Variants in DGKB observed in about 807,000 individuals in gnomAD.
DGKB encodes the protein 90 kDa diacylglycerol kinase.
Under a neutral mutation model 114.3 loss-of-function variants are expected in DGKB, and 67 were observed. The observed-to-expected ratio is 0.59, with a 90% CI of 0.48 to 0.72. The LOEUF is 0.72. Among genes scored for constraint, DGKB ranks in the 30% least tolerant of loss-of-function variants. The probability of loss-of-function intolerance (pLI) is 0.00; values close to 1 mark genes in which losing one functional copy is unlikely to be tolerated. For missense variants in DGKB, 907 were observed against 975.2 expected (o/e 0.93, Z 0.93); for synonymous variants, 398 against 323.1 (o/e 1.23, Z -2.49).
At chr7:14,951,048 G>A (rs951200074) in intron 1 of DGKB, among the ~76,000 whole-genome samples, 2 of 151,844 alleles carry the variant, frequency 1.3e-5, no homozygotes, top group Admixed American at 1.3e-4. Flanking sequence ...TACTAATCAT[G>A]CTTTCATGAT....
intron 21 of DGKB, among the ~76,000 whole-genome samples, chr7:14,447,069 G>A (rs76212541): frequency 0.019 from 2,927 of 152,152 alleles, 124 homozygotes; most frequent in Admixed American, 0.091. Flanking sequence ...TGTAGTTTTG[G>A]CAAACCCTGT....
intron 17 of DGKB, among the ~76,000 whole-genome samples, chr7:14,585,070 TATA>T: frequency 1.3e-5 from 2 of 152,258 alleles, no homozygotes; most frequent in East Asian, 1.9e-4. Context: ...ACTGCATAAA[TATA>T]ATAAAATATG....
At chr7:14,467,974 C>T (rs1015173507) in intron 21 of DGKB, among the ~76,000 whole-genome samples, 1 of 152,082 alleles carries the variant, frequency 6.6e-6, no homozygotes, top group African/African-American at 2.4e-5. Context: ...AGGGTCCTCA[C>T]AATTGTTCCC....
chr7:14,340,106 C>G (rs1284644548), intron 22 of DGKB, among the ~76,000 whole-genome samples: 1 of 148,810 alleles, frequency 6.7e-6, no homozygotes, highest in African/African-American at 2.5e-5. Flanking sequence ...GAGAAAGTGC[C>G]AAGTTTTCAT....
chr7:14,210,994 C>T (rs1787684857), intron 23 of DGKB, among the ~76,000 whole-genome samples: 1 of 152,020 alleles, frequency 6.6e-6, no homozygotes, highest in African/African-American at 2.4e-5. Context: ...TCAAAGAAAA[C>T]CTCTGTAGAT....
intron 23 of DGKB, among the ~76,000 whole-genome samples, chr7:14,261,494 C>T (rs1159962122): frequency 6.6e-6 from 1 of 152,078 alleles, no homozygotes; most frequent in Non-Finnish European, 1.5e-5. Flanking sequence ...CTTTTAGACA[C>T]ATTTATTCAA....
chr7:14,813,637 TAGAA>T, intron 2 of DGKB, among the ~76,000 whole-genome samples: 1 of 152,322 alleles, frequency 6.6e-6, no homozygotes, highest in East Asian at 1.9e-4. Context: ...TGCCATTTAA[TAGAA>T]AAATTACATA....
At chr7:14,158,748 T>C (rs1308665182) in intron 25 of DGKB, among the ~76,000 whole-genome samples, 1 of 152,158 alleles carries the variant, frequency 6.6e-6, no homozygotes, top group Non-Finnish European at 1.5e-5. Context: ...TAGTACTGGA[T>C]TAGAGAGGAA....
chr7:14,210,645 G>A (rs115434281), intron 23 of DGKB, among the ~76,000 whole-genome samples: 298 of 152,044 alleles, frequency 2.0e-3, no homozygotes, highest in African/African-American at 7.0e-3. Context: ...ATTAGTCTCC[G>A]CAACATCAAA....
upstream of DGKB, among the ~76,000 whole-genome samples, chr7:14,906,575 TC>T (rs1783720502): frequency 6.7e-6 from 1 of 149,350 alleles, no homozygotes; most frequent in African/African-American, 2.4e-5. Flanking sequence ...TGCCTCAGCC[TC>T]CCAAATAACT....
intron 2 of DGKB, chr7:14,816,406 T>C (rs1305202346): frequency 1.3e-5 from 2 of 152,186 alleles, no homozygotes; most frequent in African/African-American, 2.4e-5. Context: ...ACTGCCAATT[T>C]GCTGTTTGTT....
chr7:14,657,322 C>A (rs1474058533), intron 13 of DGKB, among the ~76,000 whole-genome samples: 1 of 151,566 alleles, frequency 6.6e-6, no homozygotes, highest in African/African-American at 2.4e-5. Context: ...ATGAATAATA[C>A]CATGAAATTG....
At chr7:14,649,298 C>G (rs556872107) in intron 13 of DGKB, among the ~76,000 whole-genome samples, 1 of 151,656 alleles carries the variant, frequency 6.6e-6, no homozygotes, top group East Asian at 1.9e-4. Context: ...GCGGATCTCT[C>G]GGCAGAAACC....
intron 22 of DGKB, among the ~76,000 whole-genome samples, chr7:14,340,067 C>G (rs1811350051): frequency 6.6e-6 from 1 of 151,092 alleles, no homozygotes; most frequent in South Asian, 2.1e-4. Flanking sequence ...CATCTTGAGA[C>G]TACTTGGCAG....
chr7:14,205,622 T>C (rs1483306456), intron 23 of DGKB, among the ~76,000 whole-genome samples: 4 of 151,998 alleles, frequency 2.6e-5, no homozygotes, highest in African/African-American at 9.7e-5. Flanking sequence ...CAGACAACAT[T>C]GGGCCAACTT....
chr7:14,666,645 T>C (rs1000898195), intron 13 of DGKB, among the ~76,000 whole-genome samples: 2 of 151,978 alleles, frequency 1.3e-5, no homozygotes, highest in African/African-American at 4.8e-5. Context: ...TGAGTTGGGA[T>C]TCATCCTACA....
chr7:14,899,747 G>A (rs137886456), intron 1 of DGKB, among the ~76,000 whole-genome samples: 1 of 152,160 alleles, frequency 6.6e-6, no homozygotes, highest in African/African-American at 2.4e-5. Flanking sequence ...CAGTTTAGGT[G>A]GATCCAATTT....
At chr7:14,279,897 CA>C (rs2128451850) in intron 23 of DGKB, among the ~76,000 whole-genome samples, 1 of 151,504 alleles carries the variant, frequency 6.6e-6, no homozygotes, top group East Asian at 2.0e-4. Flanking sequence ...GATAAAACCA[CA>C]AAGATGGGGA....
At chr7:14,919,874 C>T (rs1562876050) in intron 1 of DGKB, among the ~76,000 whole-genome samples, 1 of 152,228 alleles carries the variant, frequency 6.6e-6, no homozygotes, top group East Asian at 1.9e-4. Flanking sequence ...CTCCATGTGA[C>T]ATGCTTTCTC....
Sources: gnomAD v4.1 joint callset for allele counts (sites outside exome capture counted in the v4.1 genomes callset) on GRCh38, gnomAD v4.1.1 for gene constraint, MANE v1.5 for transcripts, NCBI Gene and HGNC (gene_info 2026-07-23, HGNC 2026-07-21) for gene names.